The following ESYT2 variants were observed in gnomAD, a reference collection of about 807,000 sequenced individuals.
ESYT2 encodes the protein extended synaptotagmin-2.
A neutral mutation model predicts 107.2 loss-of-function variants in ESYT2; 54 were observed. The observed-to-expected ratio is 0.50, with a 90% CI of 0.40 to 0.63. ESYT2 has a LOEUF of 0.63. ESYT2 is among the 30% of genes least tolerant of loss of function. The pLI is 0.00. For synonymous variants in ESYT2, 491 were observed against 434.1 expected (o/e 1.13, Z -1.63); for missense variants, 1,020 against 1,094.5 (o/e 0.93, Z 0.96).
chr7:158,758,573 T>C (rs1837848106), intron 13 of ESYT2, among the ~76,000 whole-genome samples: 2 of 152,216 alleles, frequency 1.3e-5, no homozygotes, highest in African/African-American at 4.8e-5. Flanking sequence ...GAGTATTTAC[T>C]GTGGAGGAGG....
chr7:158,824,763 T>A (rs1052418428), intron 1 of ESYT2, among the ~76,000 whole-genome samples: 3 of 151,984 alleles, frequency 2.0e-5, no homozygotes, highest in Non-Finnish European at 4.4e-5. Flanking sequence ...CAGGATAGAG[T>A]CAGACTTTAT....
intron 1 of ESYT2, among the ~76,000 whole-genome samples, chr7:158,799,337 C>G (rs1839564482): frequency 6.6e-6 from 1 of 152,180 alleles, no homozygotes; most frequent in African/African-American, 2.4e-5. Context: ...CCCCACTGTC[C>G]AGAGGAAATT....
chr7:158,735,590 C>G lies in ESYT2; in HGVS notation c.2418G>C (p.Ser806=). The G allele has an allele frequency of 6.2e-7, 1 of 1,613,818 alleles. No homozygotes were observed. The highest frequency in any genetic ancestry group is 8.5e-7 in the Non-Finnish European group (1 of 1,179,764). ...VFDQSFDFSV[S]LPEVQRRTLD... ...GCGTTCTCCTCTGCACTTCTGGTAACGAAACACTGAAATCAAAGCTGAAAT... is the reference window on the plus strand; with the variant it reads ...GCGTTCTCCTCTGCACTTCTGGTAAGGAAACACTGAAATCAAAGCTGAAAT... Residue 806 remains serine, a synonymous_variant, in exon 21 of 23, where the codon TCG becomes TCC. Transcript: ENST00000275418.
rs185493227 is a variant in ESYT2, at chr7:158,768,577, G to A, written c.804-803C>T. Among the ~76,000 whole-genome samples, 520 of 152,190 alleles carry A rather than the reference G, an allele frequency of 3.4e-3. 3 individuals are homozygous for A. Among genetic ancestry groups the A allele is most frequent in the South Asian group, 6.4e-3 (31 of 4,814 alleles). ...TGGGATTACAGGCGCGCACCACCAC[G>A]CCTGGCTAATATTGTATTTTTAGTA... On this transcript the variant is annotated intron_variant, in intron 7 of 22. Coordinates refer to ENST00000275418, the MANE Select transcript of ESYT2 (RefSeq NM_001367773.1).
In ESYT2 at chr7:158,761,452, T is replaced by G. The variant is rs1837957269; in HGVS notation, c.1233+44A>C. 11 of 1,594,326 alleles carry G rather than the reference T, an allele frequency of 6.9e-6. No individual in the cohort carries two copies. In the East Asian group the frequency reaches 2.5e-4, roughly 36 times the overall value. On this transcript the variant is annotated intron_variant, in intron 11 of 22. Transcript: ENST00000275418. ...GGCTCCTCTGGCACAGGGCAGGGAC[T>G]CAGTCAACAATTGTAAACAGACCCA...
chr7:158,738,862 A>G (rs1248101261), intron 19 of ESYT2, among the ~76,000 whole-genome samples, 161 bp downstream of exon 19: 1 of 152,258 alleles, frequency 6.6e-6, no homozygotes, highest in African/African-American at 2.4e-5. Flanking sequence ...CGCAGTGGTG[A>G]CACCCTTTAC....
At chr7:158,819,658 G>A (rs1415038766) in intron 1 of ESYT2, among the ~76,000 whole-genome samples, 1 of 152,122 alleles carries the variant, frequency 6.6e-6, no homozygotes, top group Non-Finnish European at 1.5e-5. Context: ...TGCAGGTAAC[G>A]TTTTTCTTCT....
chr7:158,785,365 C>T lies in ESYT2; in HGVS notation c.747+2639G>A, dbSNP rs541966880. ...ACTTGAACCCAGGAGGTGGAGGTTG[C>T]GGTGAGCCGAGATTGCGCCACTGCA... On this transcript the variant is annotated intron_variant, in intron 6 of 22. Transcript: ENST00000275418. 4.6e-5 allele frequency among the ~76,000 whole-genome samples: 7 copies of T among 151,952 alleles called. No homozygotes were observed. The East Asian group carries it at 9.7e-4, about 21-fold the overall frequency.
chr7:158,734,614 C>G, intron 21 of ESYT2, 143 bp from the exon 22 acceptor site: 1 of 704,884 alleles, frequency 1.4e-6, no homozygotes, highest in Non-Finnish European at 2.3e-6. Flanking sequence ...GATAGTGAAA[C>G]CTTGTCTCTA....
intron 13 of ESYT2, among the ~76,000 whole-genome samples, chr7:158,756,106 C>T (rs1282769818): frequency 2.0e-5 from 3 of 152,156 alleles, no homozygotes; most frequent in Non-Finnish European, 1.5e-5. Flanking sequence ...TAAGAATAAA[C>T]TGAGAATGCA....
intron 6 of ESYT2, among the ~76,000 whole-genome samples, chr7:158,784,570 C>T (rs1417907749): frequency 6.6e-6 from 1 of 152,212 alleles, no homozygotes. Flanking sequence ...GAGAGGAAAG[C>T]GAGCAGAGGT....
intron 21 of ESYT2, 55 bp from the exon 22 acceptor site, chr7:158,734,526 C>A (rs1052951918): frequency 1.3e-6 from 2 of 1,523,414 alleles, no homozygotes; most frequent in African/African-American, 1.4e-5. Flanking sequence ...CACTGGCTCC[C>A]GTCTGTAATC....
intron 20 of ESYT2, 101 bp downstream of exon 20, chr7:158,736,947 G>T: frequency 1.3e-6 from 2 of 1,484,590 alleles, no homozygotes; most frequent in African/African-American, 1.4e-5. Flanking sequence ...CTTCTCAACA[G>T]CTGATTTATG....
At chr7:158,796,441 A>G (rs1839460474) in intron 3 of ESYT2, among the ~76,000 whole-genome samples, 1 of 152,182 alleles carries the variant, frequency 6.6e-6, no homozygotes, top group South Asian at 2.1e-4. Context: ...CATTAGAGTC[A>G]TTAGTAGTTT....
At chr7:158,808,267 G>A (rs908296927) in intron 1 of ESYT2, among the ~76,000 whole-genome samples, 5 of 152,352 alleles carry the variant, frequency 3.3e-5, no homozygotes, top group Admixed American at 3.3e-4. Context: ...GCTGTTCTGA[G>A]TAAGGTGATG....
intron 1 of ESYT2, among the ~76,000 whole-genome samples, chr7:158,802,641 G>A (rs1839679445): frequency 6.6e-6 from 1 of 152,170 alleles, no homozygotes; most frequent in South Asian, 2.1e-4. Context: ...GAATGTAGAG[G>A]AGTTATTTTA....
intron 1 of ESYT2, among the ~76,000 whole-genome samples, chr7:158,803,158 G>A (rs12669752): frequency 2.0e-5 from 3 of 152,180 alleles, no homozygotes; most frequent in Non-Finnish European, 4.4e-5. Flanking sequence ...GGGGGCCAAC[G>A]CGCCGTTCCC....
chr7:158,829,270 A>C lies in ESYT2; in HGVS notation c.149T>G (p.Val50Gly), dbSNP rs1324249193. The C allele has an allele frequency of 1.3e-6, 2 of 1,523,238 alleles. No homozygotes were observed. The highest frequency in any genetic ancestry group is 2.9e-5 in the African/African-American group (2 of 70,166). The allele number at this position is 1,523,238 out of a possible 1,614,324, so 94.4% of individuals were successfully genotyped here. A position where few individuals can be genotyped will look rare whatever the true frequency, so the allele number is the denominator to read the frequency against. Residue 50 changes from valine to glycine, a missense_variant, in exon 1 of 23, where the codon GTG (valine) becomes GGG (glycine). Transcript: ENST00000275418. ...GAGCCCCAGGTAGCCCAGCGCGTAC[A>C]CGGGCAGCAGCAGCGCGAAGCTCCG... is the stretch of plus-strand genomic sequence containing the variant. ...LARSFALLLP[V>G]YALGYLGLSF...
chr7:158,773,076 T>C (rs945740749), intron 7 of ESYT2, among the ~76,000 whole-genome samples: 9 of 152,178 alleles, frequency 5.9e-5, no homozygotes, highest in African/African-American at 1.9e-4. Context: ...GGAAGACACC[T>C]TGTGGTGAAC....
Sources: allele counts gnomAD v4.1 joint callset (sites outside exome capture counted in the v4.1 genomes callset), GRCh38; gene constraint gnomAD v4.1.1; transcripts MANE v1.5; gene names NCBI Gene and HGNC (gene_info 2026-07-23, HGNC 2026-07-21).